SDK1: variants seen among roughly 807,000 people sequenced by gnomAD.
The protein encoded by SDK1 is sidekick cell adhesion molecule 1.
Under a neutral mutation model 245.5 loss-of-function variants are expected in SDK1, and 157 were observed. The observed-to-expected ratio is 0.64, with a 90% CI of 0.56 to 0.73. The LOEUF (loss-of-function observed/expected upper bound fraction) is 0.73, where lower values mean the gene tolerates loss of function less well. Among genes scored for constraint, SDK1 ranks in the 30% least tolerant of loss-of-function variants. The pLI, the probability that SDK1 is intolerant of heterozygous loss-of-function variation, is 0.00. For synonymous variants in SDK1, 1,647 were observed against 1,278.5 expected (o/e 1.29, Z -6.15); for missense variants, 3,583 against 3,002.3 (o/e 1.19, Z -4.52).
intron 1 of SDK1, among the ~76,000 whole-genome samples, chr7:3,306,830 C>T (rs544662433): frequency 2.0e-5 from 3 of 152,216 alleles, no homozygotes; most frequent in Admixed American, 6.5e-5. Context: ...GCCTGCCTTA[C>T]GGTGTCCCAG....
intron 1 of SDK1, among the ~76,000 whole-genome samples, chr7:3,490,083 C>T (rs1781823782): frequency 1.3e-5 from 2 of 152,120 alleles, no homozygotes; most frequent in African/African-American, 2.4e-5. Flanking sequence ...TTATTCTCTT[C>T]ATATTTAGGC....
At chr7:3,304,902 T>G (rs970424435) in intron 1 of SDK1, among the ~76,000 whole-genome samples, 1 of 152,206 alleles carries the variant, frequency 6.6e-6, no homozygotes, top group Non-Finnish European at 1.5e-5. Context: ...AGGTTTGATC[T>G]GGGCATCAGG....
intron 1 of SDK1, among the ~76,000 whole-genome samples, chr7:3,350,613 A>T (rs927484339): frequency 1.3e-5 from 2 of 152,190 alleles, no homozygotes; most frequent in East Asian, 3.8e-4. Flanking sequence ...CTAGACCATG[A>T]TAGAGCCTTT....
chr7:3,725,057 A>T (rs545920632), intron 4 of SDK1, among the ~76,000 whole-genome samples: 2 of 152,334 alleles, frequency 1.3e-5, no homozygotes, highest in African/African-American at 4.8e-5. Flanking sequence ...ATTCAATGTG[A>T]ATGGGCCTAG....
At chr7:3,322,916 C>T (rs1047187846) in intron 1 of SDK1, among the ~76,000 whole-genome samples, 2 of 152,064 alleles carry the variant, frequency 1.3e-5, no homozygotes, top group African/African-American at 2.4e-5. Flanking sequence ...TTCAAACAGT[C>T]CTCCCACCTC....
intron 32 of SDK1, among the ~76,000 whole-genome samples, chr7:4,162,972 G>T (rs2128213240): frequency 6.6e-6 from 1 of 152,322 alleles, no homozygotes; most frequent in African/African-American, 2.4e-5. Flanking sequence ...CTGTGCGGAG[G>T]ACTCAGCCCA....
intron 1 of SDK1, among the ~76,000 whole-genome samples, chr7:3,316,744 G>C (rs1383524287): frequency 6.6e-6 from 1 of 152,072 alleles, no homozygotes; most frequent in African/African-American, 2.4e-5. Context: ...CTGCAGCGTG[G>C]AACTGGTTCT....
chr7:3,569,812 A>G (rs1420193181), intron 1 of SDK1, among the ~76,000 whole-genome samples: 1 of 152,144 alleles, frequency 6.6e-6, no homozygotes. Flanking sequence ...CGGAGGAAAA[A>G]TTTGACCTCA....
intron 34 of SDK1, among the ~76,000 whole-genome samples, chr7:4,177,320 G>A (rs1211724475): frequency 2.6e-5 from 4 of 152,212 alleles, no homozygotes; most frequent in Non-Finnish European, 5.9e-5. Context: ...GAAAAGCCAA[G>A]CCACCCACAG....
At chr7:3,856,872 A>G (rs1479250357) in intron 5 of SDK1, among the ~76,000 whole-genome samples, 1 of 152,192 alleles carries the variant, frequency 6.6e-6, no homozygotes, top group African/African-American at 2.4e-5. Context: ...AACATTAACC[A>G]TGTTGATTAG....
At position 4,233,246 on chromosome 7, in the gene SDK1, C is replaced by G; in HGVS notation, c.5828-9C>G. On this transcript the variant is annotated splice_polypyrimidine_tract_variant and intron_variant, in intron 40 of 44. Coordinates refer to ENST00000404826, the MANE Select transcript of SDK1 (RefSeq NM_152744.4). ...AACCTCTGCTCTCGCCTCCCCATCC[C>G]TCTTGCAGATGAAGGCTTATGGGAC... 6.2e-7 allele frequency: 1 copy of G among 1,610,696 alleles called. No homozygotes were observed. The highest frequency in any genetic ancestry group is 8.5e-7 in the Non-Finnish European group (1 of 1,177,914).
rs1180397877 is a variant in SDK1, at chr7:3,354,906, A to T, written c.298+53022A>T. On this transcript the variant is annotated intron_variant, in intron 1 of 44. Coordinates refer to ENST00000404826, the MANE Select transcript of SDK1 (RefSeq NM_152744.4). The stretch of plus-strand genomic sequence containing the variant: ...TAAAGAGGCCTCACTGCTGTGTAAC[A>T]ATAGATGCTTAAAATAATCCACCAG... Among the ~76,000 whole-genome samples the T allele has an allele frequency of 2.0e-5, 3 of 152,250 alleles. No homozygotes were observed. The East Asian group carries it at 5.8e-4, about 29-fold the overall frequency.
chr7:3,828,781 A>G (rs1779842688), intron 5 of SDK1, among the ~76,000 whole-genome samples: 1 of 150,434 alleles, frequency 6.6e-6, no homozygotes, highest in African/African-American at 2.4e-5. Flanking sequence ...CCTTTTGAGT[A>G]GCTGGGACTA....
intron 4 of SDK1, among the ~76,000 whole-genome samples, chr7:3,679,380 C>T (rs1225200731): frequency 6.6e-6 from 1 of 152,106 alleles, no homozygotes; most frequent in Non-Finnish European, 1.5e-5. Flanking sequence ...TCCTGGCTAA[C>T]ATGGTGAAAC....
In SDK1 at chr7:4,267,867, C is replaced by G; in HGVS notation, c.*2483C>G. 1 of 985,570 alleles carries G rather than the reference C, an allele frequency of 1.0e-6. No homozygotes were observed. The highest frequency in any genetic ancestry group is 1.2e-6 in the Non-Finnish European group (1 of 830,060). The allele number at this position is 985,570 out of a possible 1,614,324, so 61.1% of individuals were successfully genotyped here. On this transcript the variant is annotated 3_prime_UTR_variant, in exon 45 of 45. Transcript: ENST00000404826. ...ACTGTGCTTAGGACAGCGCCCATGC[C>G]TCGGAGGGACTCTGTCCCATGAGAA...
chr7:4,196,744 C>T (rs912898195), intron 35 of SDK1, among the ~76,000 whole-genome samples: 4 of 152,324 alleles, frequency 2.6e-5, no homozygotes, highest in Admixed American at 6.5e-5. Flanking sequence ...CCATGCACCA[C>T]GTGAGGACAA....
chr7:4,243,992 T>G (rs571882639), intron 43 of SDK1, among the ~76,000 whole-genome samples: 1 of 152,324 alleles, frequency 6.6e-6, no homozygotes, highest in East Asian at 1.9e-4. Context: ...CCCAAATGTT[T>G]AGATAAGAAA....
intron 1 of SDK1, among the ~76,000 whole-genome samples, chr7:3,366,284 G>T (rs1042650802): frequency 1.8e-4 from 28 of 151,914 alleles, no homozygotes; most frequent in Admixed American, 1.6e-3. Flanking sequence ...TGTTGTAAAA[G>T]AAAGTACTTG....
At chr7:3,653,326 T>G (rs138090199) in intron 4 of SDK1, among the ~76,000 whole-genome samples, 12 of 152,284 alleles carry the variant, frequency 7.9e-5, no homozygotes, top group African/African-American at 2.9e-4. Flanking sequence ...GCGTTCTGTT[T>G]TCTTGAAAAA....
Sources: gnomAD v4.1 joint callset for allele counts (sites outside exome capture counted in the v4.1 genomes callset) on GRCh38, gnomAD v4.1.1 for gene constraint, MANE v1.5 for transcripts, NCBI Gene and HGNC (gene_info 2026-07-23, HGNC 2026-07-21) for gene names.